The following CPQ variants were observed in gnomAD, a reference collection of about 807,000 sequenced individuals.
CPQ encodes the protein Ser-Met dipeptidase.
A neutral mutation model predicts 45.7 loss-of-function variants in CPQ; 37 were observed. The observed-to-expected ratio is 0.81, with a 90% CI of 0.62 to 1.07. CPQ has a LOEUF of 1.07. CPQ is among the 50% of genes least tolerant of loss of function. The pLI, the probability that CPQ is intolerant of heterozygous loss-of-function variation, is 0.00. For missense variants in CPQ, 537 were observed against 572.9 expected (o/e 0.94, Z 0.64); for synonymous variants, 186 against 205.8 (o/e 0.90, Z 0.82).
intron 7 of CPQ, among the ~76,000 whole-genome samples, chr8:97,085,581 A>G (rs1295524898): frequency 1.3e-5 from 2 of 152,152 alleles, no homozygotes; most frequent in Admixed American, 6.6e-5. Flanking sequence ...ATTTGGCAAT[A>G]CCCAGAATAT....
intron 4 of CPQ, among the ~76,000 whole-genome samples, chr8:96,918,630 G>C (rs1371251820): frequency 6.6e-6 from 1 of 152,044 alleles, no homozygotes; most frequent in East Asian, 1.9e-4. Context: ...GAACTGAATG[G>C]GGAAGGAGAC....
intron 5 of CPQ, among the ~76,000 whole-genome samples, chr8:97,026,582 C>G (rs1809802399): frequency 6.6e-6 from 1 of 152,186 alleles, no homozygotes; most frequent in African/African-American, 2.4e-5. Context: ...ACTTTGGATT[C>G]AACATTTGCT....
At chr8:96,775,599 T>C (rs909254869) in intron 1 of CPQ, among the ~76,000 whole-genome samples, 6 of 152,228 alleles carry the variant, frequency 3.9e-5, no homozygotes, top group African/African-American at 9.6e-5. Context: ...ATATACAAGA[T>C]AGTTGTTTCT....
chr8:96,758,522 C>G (rs1221368699), intron 1 of CPQ, among the ~76,000 whole-genome samples: 1 of 152,074 alleles, frequency 6.6e-6, no homozygotes, highest in African/African-American at 2.4e-5. Context: ...CTGTACTTTG[C>G]CAGTCAATGA....
At chr8:97,044,819 G>T (rs1226346139) in intron 6 of CPQ, among the ~76,000 whole-genome samples, 1 of 152,214 alleles carries the variant, frequency 6.6e-6, no homozygotes. Flanking sequence ...AACTGCGAAT[G>T]CTGCTGTCTG....
chr8:97,024,762 C>T (rs1447521694), intron 5 of CPQ, among the ~76,000 whole-genome samples: 4 of 152,092 alleles, frequency 2.6e-5, no homozygotes, highest in Admixed American at 6.6e-5. Context: ...TTTTATGTCT[C>T]GGATACTGTA....
chr8:96,815,311 T>C (rs1811213838), intron 2 of CPQ, among the ~76,000 whole-genome samples: 1 of 152,098 alleles, frequency 6.6e-6, no homozygotes, highest in Admixed American at 6.6e-5. Context: ...CTACATTGGT[T>C]ATCAAATGTA....
At chr8:96,924,596 T>C (rs1328120974) in intron 4 of CPQ, among the ~76,000 whole-genome samples, 3 of 152,208 alleles carry the variant, frequency 2.0e-5, no homozygotes, top group African/African-American at 7.2e-5. Context: ...TGCAGTTTGC[T>C]TTTATCACCC....
intron 7 of CPQ, among the ~76,000 whole-genome samples, chr8:97,137,089 CGT>C (rs1307275450): frequency 6.6e-6 from 1 of 152,270 alleles, no homozygotes; most frequent in African/African-American, 2.4e-5. Flanking sequence ...TGATAGAACA[CGT>C]TTTGGAGTTG....
intron 2 of CPQ, among the ~76,000 whole-genome samples, chr8:96,796,280 G>A (rs1810927704): frequency 6.6e-6 from 1 of 151,922 alleles, no homozygotes; most frequent in Admixed American, 6.6e-5. Flanking sequence ...ATGTTTACTG[G>A]AAGCATATTT....
chr8:96,850,375 A>G (rs780691444), intron 3 of CPQ, among the ~76,000 whole-genome samples: 6 of 152,068 alleles, frequency 3.9e-5, no homozygotes, highest in Admixed American at 1.3e-4. Flanking sequence ...AATGTCATCT[A>G]TTTGCCTACT....
intron 1 of CPQ, among the ~76,000 whole-genome samples, chr8:96,782,948 A>G (rs1810708982): frequency 6.6e-6 from 1 of 152,218 alleles, no homozygotes; most frequent in South Asian, 2.1e-4. Context: ...CTTCATTTCC[A>G]TCTGAGACCT....
intron 7 of CPQ, among the ~76,000 whole-genome samples, chr8:97,067,611 G>T (rs1810661885): frequency 6.6e-6 from 1 of 152,034 alleles, no homozygotes; most frequent in African/African-American, 2.4e-5. Flanking sequence ...TTGCAATACT[G>T]CAGATTTTTA....
At chr8:96,798,277 A>C (rs369631389) in intron 2 of CPQ, among the ~76,000 whole-genome samples, 1 of 151,438 alleles carries the variant, frequency 6.6e-6, no homozygotes, top group South Asian at 2.1e-4. Context: ...CCACAGGTGC[A>C]TGCCACCACA....
rs1037899125 is a variant in CPQ, at chr8:96,873,892, A to T, written c.642-5906A>T. Among the ~76,000 whole-genome samples, 5 of 151,908 alleles carry T rather than the reference A, an allele frequency of 3.3e-5. No individual in the cohort carries two copies. In the East Asian group the frequency reaches 9.6e-4, roughly 29 times the overall value. On this transcript the variant is annotated intron_variant, in intron 3 of 7. Coordinates refer to ENST00000220763, the MANE Select transcript of CPQ (RefSeq NM_016134.4). ...TGCAAATTTTGAAATGCTCAGAAACATAAAGTGCTTGGTATCTTTTATAAG... is the reference window on the plus strand; with the variant it reads ...TGCAAATTTTGAAATGCTCAGAAACTTAAAGTGCTTGGTATCTTTTATAAG...
At chr8:96,866,552 A>T (rs1226909068) in intron 3 of CPQ, among the ~76,000 whole-genome samples, 1 of 152,078 alleles carries the variant, frequency 6.6e-6, no homozygotes, top group Non-Finnish European at 1.5e-5. Flanking sequence ...TAACATATTT[A>T]TAGGTGTTAA....
chr8:96,829,696 C>T (rs934723082), intron 2 of CPQ, among the ~76,000 whole-genome samples: 10 of 152,100 alleles, frequency 6.6e-5, no homozygotes, highest in Non-Finnish European at 1.5e-4. Flanking sequence ...TTATAGGAAA[C>T]TTCCTAGATT....
intron 1 of CPQ, among the ~76,000 whole-genome samples, chr8:96,691,620 G>A (rs575047281): frequency 1.3e-5 from 2 of 151,966 alleles, no homozygotes; most frequent in African/African-American, 2.4e-5. Context: ...TTTACTTGAG[G>A]ACTCAAGATC....
At chr8:96,949,918 A>G (rs2853251) in intron 4 of CPQ, among the ~76,000 whole-genome samples, 75,955 of 151,980 alleles carry the variant, frequency 0.5, 21,146 homozygotes, top group African/African-American at 0.77. Flanking sequence ...GGTTCTTGGA[A>G]ACAAACTATA....
Sources: gnomAD v4.1 joint callset for allele counts (sites outside exome capture counted in the v4.1 genomes callset) on GRCh38, gnomAD v4.1.1 for gene constraint, MANE v1.5 for transcripts, NCBI Gene and HGNC (gene_info 2026-07-23, HGNC 2026-07-21) for gene names.